Variants in NPAS3 observed in about 807,000 individuals in gnomAD.
NPAS3 encodes the protein neuronal PAS domain-containing protein 3.
Under a neutral mutation model 73.1 loss-of-function variants are expected in NPAS3, and 14 were observed. The ratio of observed to expected loss-of-function variants is 0.19; its 90% CI spans 0.13 to 0.30. The LOEUF (loss-of-function observed/expected upper bound fraction) is 0.30, where lower values mean the gene tolerates loss of function less well. Among genes scored for constraint, NPAS3 ranks in the 10% least tolerant of loss-of-function variants. NPAS3 has a pLI of 1.00. For synonymous variants in NPAS3, 620 were observed against 541.5 expected (o/e 1.14, Z -2.01); for missense variants, 1,096 against 1,250.0 (o/e 0.88, Z 1.86).
chr14:33,789,583 CTTTT>C (rs10567527), intron 9 of NPAS3, among the ~76,000 whole-genome samples: 9 of 92,412 alleles, frequency 9.7e-5, no homozygotes, highest in Admixed American at 5.2e-4. Flanking sequence ...TAGAGTACAA[CTTTT>C]TTTTTTTTTT....
intron 3 of NPAS3, among the ~76,000 whole-genome samples, chr14:33,299,864 GT>G: frequency 6.6e-6 from 1 of 152,282 alleles, no homozygotes; most frequent in African/African-American, 2.4e-5. Context: ...CAATATAGTA[GT>G]TTCTGAATAG....
At chr14:32,968,098 G>A (rs570300244) in intron 1 of NPAS3, among the ~76,000 whole-genome samples, 2 of 152,214 alleles carry the variant, frequency 1.3e-5, no homozygotes, top group South Asian at 4.2e-4. Context: ...AGGGGCAGGG[G>A]ATGGGGAGAG....
At chr14:33,466,424 G>T (rs1435535565) in intron 4 of NPAS3, among the ~76,000 whole-genome samples, 1 of 152,148 alleles carries the variant, frequency 6.6e-6, no homozygotes, top group Non-Finnish European at 1.5e-5. Flanking sequence ...TCACCAGTTT[G>T]GTTATCAAGT....
intron 3 of NPAS3, among the ~76,000 whole-genome samples, chr14:33,308,242 C>T (rs1188530222): frequency 6.6e-6 from 1 of 152,046 alleles, no homozygotes; most frequent in Non-Finnish European, 1.5e-5. Flanking sequence ...GAGAATGTGC[C>T]ATACCGTACA....
chr14:32,957,796 G>A (rs957632252), intron 1 of NPAS3, among the ~76,000 whole-genome samples: 2 of 152,152 alleles, frequency 1.3e-5, no homozygotes, highest in East Asian at 3.9e-4. Flanking sequence ...ACTGACTTCT[G>A]TCTCTTAGTG....
At position 32,994,617 on chromosome 14, in the gene NPAS3, TG is replaced by T. The variant is rs199532464; in HGVS notation, c.50+55252del. Among the ~76,000 whole-genome samples, 188 of 136,444 alleles carry T rather than the reference TG, an allele frequency of 1.4e-3. 5 individuals are homozygous for T. The East Asian group carries it at 0.03, about 21-fold the overall frequency. The allele number at this position is 136,444 out of a possible 152,430, so 89.5% of individuals were successfully genotyped here. A position where few individuals can be genotyped will look rare whatever the true frequency, so the allele number is the denominator to read the frequency against. On this transcript the variant is annotated intron_variant, in intron 1 of 11. Coordinates refer to ENST00000356141, the Ensembl canonical transcript of NPAS3. ...GGATAGGCTCGCCATTCTAGTTTTT[TG>T]TTTGTTTGTTTGTTTTTGTTTTTTT...
At chr14:33,025,229 G>C (rs1229738947) in intron 1 of NPAS3, among the ~76,000 whole-genome samples, 1 of 152,136 alleles carries the variant, frequency 6.6e-6, no homozygotes, top group Non-Finnish European at 1.5e-5. Context: ...TCTAGGTTTG[G>C]GTCTTGGCTT....
chr14:33,243,723 C>A (rs1199465921), intron 3 of NPAS3, among the ~76,000 whole-genome samples: 1 of 151,404 alleles, frequency 6.6e-6, no homozygotes, highest in East Asian at 1.9e-4. Context: ...TGGCCTAGAG[C>A]ACCATGGCAG....
At chr14:33,578,260 C>T (rs1595195253) in intron 5 of NPAS3, 1 of 455,576 alleles carries the variant, frequency 2.2e-6, no homozygotes, top group Non-Finnish European at 4.4e-6. Flanking sequence ...ATGACGCGAT[C>T]TCAGCTCACC....
chr14:33,574,838 G>T (rs1264686118), intron 5 of NPAS3, among the ~76,000 whole-genome samples: 2 of 152,182 alleles, frequency 1.3e-5, no homozygotes, highest in Non-Finnish European at 2.9e-5. Context: ...ATGGACTTTG[G>T]AGGTGGGAGG....
intron 5 of NPAS3, among the ~76,000 whole-genome samples, chr14:33,618,918 G>C (rs78289665): frequency 0.023 from 3,549 of 152,288 alleles, 133 homozygotes; most frequent in African/African-American, 0.08. Flanking sequence ...TAAAAATGTA[G>C]AAAGAGAAGC....
intron 5 of NPAS3, among the ~76,000 whole-genome samples, chr14:33,593,383 G>C (rs1037081988): frequency 6.6e-6 from 1 of 152,204 alleles, no homozygotes; most frequent in African/African-American, 2.4e-5. Context: ...ACCCATCATA[G>C]TGCATGATAC....
At chr14:33,317,759 C>A (rs1275232440) in intron 3 of NPAS3, among the ~76,000 whole-genome samples, 2 of 151,998 alleles carry the variant, frequency 1.3e-5, no homozygotes, top group African/African-American at 4.8e-5. Flanking sequence ...TCAATTAAAC[C>A]TCTTTCCTTT....
intron 1 of NPAS3, among the ~76,000 whole-genome samples, chr14:32,944,685 A>T (rs2036179889): frequency 6.6e-6 from 1 of 152,216 alleles, no homozygotes; most frequent in African/African-American, 2.4e-5. Context: ...AGTTAGAAGA[A>T]TGTGTAGTAA....
intron 2 of NPAS3, among the ~76,000 whole-genome samples, chr14:33,134,861 A>ATTTTTTTTTTTTT: frequency 6.6e-6 from 1 of 150,548 alleles, no homozygotes; most frequent in Non-Finnish European, 1.5e-5. Context: ...TTAAAGACTG[A>ATTTTTTTTTTTTT]TTTTTTTTTT....
intron 4 of NPAS3, among the ~76,000 whole-genome samples, chr14:33,428,254 C>G (rs563344285): frequency 2.0e-5 from 3 of 152,178 alleles, no homozygotes; most frequent in South Asian, 4.2e-4. Context: ...CATTTTTTAA[C>G]TTCTCTAAAC....
rs34641267 is a variant in NPAS3 at position 33,289,821 on chromosome 14, CAAAA to C, written c.385+74408_385+74411del. On this transcript the variant is annotated intron_variant, in intron 3 of 11. Coordinates refer to ENST00000356141, the Ensembl canonical transcript of NPAS3. Reference sequence around the variant, plus strand: ...TGGGCAACAGAGCAAGACTCCGTCTCAAAAAAAAAAAAAAAATCTATTCTTGTCT... The same window carrying C: ...TGGGCAACAGAGCAAGACTCCGTCTCAAAAAAAAAAAATCTATTCTTGTCT... 2.1e-5 allele frequency among the ~76,000 whole-genome samples: 3 copies of C among 142,206 alleles called. No individual in the cohort carries two copies. In the East Asian group the frequency reaches 6.2e-4, roughly 29 times the overall value. 93.3% of individuals were successfully genotyped at this position (142,206 alleles called of 152,430 possible). A position where few individuals can be genotyped will look rare whatever the true frequency, so the allele number is the denominator to read the frequency against.
In NPAS3 at chr14:33,011,859, T is replaced by A. The variant is rs577399953; in HGVS notation, c.51-44046T>A. On this transcript the variant is annotated intron_variant, in intron 1 of 11. Transcript: ENST00000356141. ...GGGCTGCCCAAGGTGTACTCTTGGT[T>A]TGTGGCAGACATGAATAAAAAATTC... Among the ~76,000 whole-genome samples the A allele has an allele frequency of 7.7e-4, 117 of 152,338 alleles. No individual in the cohort carries two copies. In the South Asian group the frequency reaches 9.3e-3, roughly 12 times the overall value.
At chr14:33,262,244 T>G (rs1008268924) in intron 3 of NPAS3, among the ~76,000 whole-genome samples, 8 of 152,186 alleles carry the variant, frequency 5.3e-5, no homozygotes, top group Non-Finnish European at 1.2e-4. Flanking sequence ...CAGGAGAAAC[T>G]TTTGCCTAAT....
Sources: gnomAD v4.1 joint callset for allele counts (sites outside exome capture counted in the v4.1 genomes callset) on GRCh38, gnomAD v4.1.1 for gene constraint, MANE v1.5 for transcripts, NCBI Gene and HGNC (gene_info 2026-07-23, HGNC 2026-07-21) for gene names.